The following TAFA1 variants were observed in gnomAD, a reference collection of about 807,000 sequenced individuals.
TAFA1 encodes TAFA chemokine like family member 1, also known as chemokine-like protein TAFA-1.
A neutral mutation model predicts 18.5 loss-of-function variants in TAFA1; 4 were observed. The ratio of observed to expected loss-of-function variants is 0.22; its 90% confidence interval spans 0.11 to 0.49. The LOEUF (loss-of-function observed/expected upper bound fraction) is 0.49. Ranked by LOEUF, TAFA1 falls within the 20% of genes least tolerant of loss-of-function variation. TAFA1 has a pLI of 0.98. For synonymous variants in TAFA1, 56 were observed against 55.2 expected (o/e 1.01, Z -0.06); for missense variants, 147 against 169.0 (o/e 0.87, Z 0.72).
chr3:68,118,729 A>G (rs551389672), intron 2 of TAFA1, among the ~76,000 whole-genome samples: 22 of 152,166 alleles, frequency 1.4e-4, no homozygotes, highest in Non-Finnish European at 2.9e-4. Flanking sequence ...AGGCTGAATG[A>G]TACACCATTG....
At chr3:68,029,203 T>C (rs1217674726) in intron 2 of TAFA1, among the ~76,000 whole-genome samples, 1 of 152,182 alleles carries the variant, frequency 6.6e-6, no homozygotes, top group Non-Finnish European at 1.5e-5. Flanking sequence ...TACTGATAAG[T>C]TCTAGGGATT....
intron 3 of TAFA1, among the ~76,000 whole-genome samples, chr3:68,460,835 C>T (rs192422229): frequency 7.9e-5 from 12 of 152,330 alleles, no homozygotes; most frequent in African/African-American, 2.4e-4. Context: ...CTGGGGATCA[C>T]ACATAGGGAA....
At chr3:68,387,359 T>C (rs2070127993) in intron 2 of TAFA1, among the ~76,000 whole-genome samples, 1 of 152,170 alleles carries the variant, frequency 6.6e-6, no homozygotes, top group South Asian at 2.1e-4. Flanking sequence ...GTTCTCCAGT[T>C]ACACATAAGC....
intron 3 of TAFA1, among the ~76,000 whole-genome samples, chr3:68,536,933 T>G (rs2073286837): frequency 6.6e-6 from 1 of 152,200 alleles, no homozygotes; most frequent in Admixed American, 6.6e-5. Flanking sequence ...TTATCTAATA[T>G]TACTCTTGAC....
chr3:68,341,809 A>G (rs902112108), intron 2 of TAFA1, among the ~76,000 whole-genome samples: 2 of 152,206 alleles, frequency 1.3e-5, no homozygotes, highest in East Asian at 3.8e-4. Flanking sequence ...TCACCGAAGT[A>G]AAGGTTAGAG....
intron 2 of TAFA1, among the ~76,000 whole-genome samples, chr3:68,275,672 G>A (rs1440638135): frequency 6.6e-6 from 1 of 152,048 alleles, no homozygotes; most frequent in Non-Finnish European, 1.5e-5. Flanking sequence ...CATTTGAACG[G>A]AGACCTGAAT....
Position 68,372,012 on chromosome 3 carries a change from T to TAAC in TAFA1, c.119-45267_119-45266insACA, listed in dbSNP as rs2069715865. 6.6e-5 allele frequency among the ~76,000 whole-genome samples: 10 copies of TAAC among 152,342 alleles called. No homozygotes were observed. The South Asian group carries it at 2.1e-3, about 32-fold the overall frequency. On this transcript the variant is annotated intron_variant, in intron 2 of 4. Coordinates refer to ENST00000478136, the MANE Select transcript of TAFA1 (RefSeq NM_213609.4). ...TTTAACACTTCTGAACATCTCGATGTAGGCTAGTATCTAATGGGCCAAACT... is the reference window on the plus strand; with the variant it reads ...TTTAACACTTCTGAACATCTCGATGTAACAGGCTAGTATCTAATGGGCCAAACT...
intron 2 of TAFA1, among the ~76,000 whole-genome samples, chr3:68,089,203 A>C (rs2065004399): frequency 6.6e-6 from 1 of 152,160 alleles, no homozygotes; most frequent in African/African-American, 2.4e-5. Flanking sequence ...TAAATTTGGG[A>C]GTTCTCAGTA....
chr3:68,160,794 A>C (rs1159464678), intron 2 of TAFA1, among the ~76,000 whole-genome samples: 1 of 152,080 alleles, frequency 6.6e-6, no homozygotes, highest in East Asian at 1.9e-4. Flanking sequence ...TCTGAACTCG[A>C]CCTCCAATGC....
At chr3:68,419,314 G>C (rs1005666062) in intron 3 of TAFA1, among the ~76,000 whole-genome samples, 16 of 152,122 alleles carry the variant, frequency 1.1e-4, no homozygotes, top group African/African-American at 3.6e-4. Flanking sequence ...TTACCATAAG[G>C]AGATACATTT....
chr3:68,115,072 G>A (rs891658128), intron 2 of TAFA1, among the ~76,000 whole-genome samples: 1 of 152,306 alleles, frequency 6.6e-6, no homozygotes, highest in East Asian at 1.9e-4. Flanking sequence ...AAGTAAAAAT[G>A]TCAGAACCCC....
At chr3:68,079,330 T>A (rs1265885906) in intron 2 of TAFA1, among the ~76,000 whole-genome samples, 1 of 152,206 alleles carries the variant, frequency 6.6e-6, no homozygotes, top group Non-Finnish European at 1.5e-5. Context: ...TGCTCTGATT[T>A]TAGTTAGTTC....
chr3:68,173,799 AT>A (rs2066089132), intron 2 of TAFA1, among the ~76,000 whole-genome samples: 1 of 151,820 alleles, frequency 6.6e-6, no homozygotes, highest in African/African-American at 2.4e-5. Context: ...CCTTCCCTTC[AT>A]TTTTAAAGTC....
intron 2 of TAFA1, among the ~76,000 whole-genome samples, chr3:68,365,175 T>G (rs2106801960): frequency 6.6e-6 from 1 of 152,326 alleles, no homozygotes; most frequent in South Asian, 2.1e-4. Context: ...ACCCAGTAAG[T>G]ATACTGAGGT....
intron 3 of TAFA1, among the ~76,000 whole-genome samples, chr3:68,439,387 A>G (rs1198971203): frequency 1.4e-5 from 2 of 140,680 alleles, no homozygotes; most frequent in African/African-American, 2.6e-5. Flanking sequence ...CTAGAGGGAC[A>G]GAAGTAATAG....
chr3:68,411,016 T>C (rs571849236), intron 2 of TAFA1, among the ~76,000 whole-genome samples: 86 of 152,340 alleles, frequency 5.6e-4, no homozygotes, highest in Non-Finnish European at 2.9e-5. Context: ...CAAACTTAAC[T>C]CTTCCCTTTC....
chr3:68,286,246 A>ATT (rs148492305), intron 2 of TAFA1, among the ~76,000 whole-genome samples: 1 of 151,928 alleles, frequency 6.6e-6, no homozygotes, highest in Non-Finnish European at 1.5e-5. Context: ...ATTTAAAAAA[A>ATT]TTTTTTAAAT....
At chr3:68,120,308 G>T (rs778867092) in intron 2 of TAFA1, among the ~76,000 whole-genome samples, 2 of 149,694 alleles carry the variant, frequency 1.3e-5, no homozygotes, top group African/African-American at 2.5e-5. Context: ...GGAGTGCACT[G>T]GTGCAATCTC....
intron 2 of TAFA1, among the ~76,000 whole-genome samples, chr3:68,336,182 T>A (rs1167465990): frequency 1.3e-5 from 2 of 152,198 alleles, no homozygotes; most frequent in Non-Finnish European, 2.9e-5. Context: ...TTAGATGCAA[T>A]ATATGTAAAA....
Sources: gnomAD v4.1 joint callset for allele counts (sites outside exome capture counted in the v4.1 genomes callset) on GRCh38, gnomAD v4.1.1 for gene constraint, MANE v1.5 for transcripts, NCBI Gene and HGNC (gene_info 2026-07-23, HGNC 2026-07-21) for gene names.